Variants in EEF1E1 observed in about 807,000 individuals in gnomAD.
EEF1E1 encodes eukaryotic translation elongation factor 1 epsilon-1.
In EEF1E1, 19 loss-of-function variants were observed where a neutral mutation model predicts 19.9. The observed-to-expected ratio is 0.95, with a 90% confidence interval of 0.66 to 1.40. The LOEUF (loss-of-function observed/expected upper bound fraction) is 1.40, where lower values mean the gene tolerates loss of function less well. EEF1E1 is among the 40% of genes most tolerant of loss of function. The probability of loss-of-function intolerance (pLI) is 0.00; values close to 1 mark genes in which losing one functional copy is unlikely to be tolerated. For missense variants in EEF1E1, 198 were observed against 202.2 expected, an observed-to-expected ratio of 0.98 and a Z score of 0.13; for synonymous variants, 81 against 80.0, an observed-to-expected ratio of 1.01 and a Z score of -0.07.
At chr6:8,073,581 G>A (rs1166417727) in intron 3 of EEF1E1, 5 of 1,530,108 alleles carry the variant, frequency 3.3e-6, no homozygotes, top group African/African-American at 2.8e-5. Context: ...CACACTAAAT[G>A]CTCAATAAAT....
At position 8,083,318 on chromosome 6, in the gene EEF1E1, A is replaced by T. The variant is rs573901304; in HGVS notation, c.385-3288T>A. Reference sequence around the variant, plus strand: ...GTGCTCCTGGACTATTTTGCAGTTAATTCTTTTATTTTTCCTTTCCTTATA... The same window carrying T: ...GTGCTCCTGGACTATTTTGCAGTTATTTCTTTTATTTTTCCTTTCCTTATA... On this transcript the variant is annotated intron_variant, in intron 3 of 3. Coordinates refer to ENST00000379715, the MANE Select transcript of EEF1E1 (RefSeq NM_004280.5). 1.8e-3 allele frequency among the ~76,000 whole-genome samples: 272 copies of T among 152,268 alleles called. 3 individuals are homozygous for T. Among genetic ancestry groups the T allele is most frequent in the African/African-American group, 6.3e-3 (261 of 41,556 alleles).
chr6:8,099,783 CACACACACAAAA>C, intron 1 of EEF1E1, among the ~76,000 whole-genome samples: 1 of 98,280 alleles, frequency 1.0e-5, no homozygotes, highest in South Asian at 3.2e-4. Context: ...CACACACACA[CACACACACAAAA>C]AAAAAACAGA....
chr6:8,078,756 G>A, downstream of EEF1E1: 1 of 1,282,094 alleles, frequency 7.8e-7, no homozygotes, highest in Non-Finnish European at 1.0e-6. Flanking sequence ...GAAGAGAAAG[G>A]AAACTAACCT....
downstream of EEF1E1, among the ~76,000 whole-genome samples, chr6:8,076,661 G>A (rs1757598996): frequency 6.6e-6 from 1 of 152,186 alleles, no homozygotes; most frequent in South Asian, 2.1e-4. Flanking sequence ...CTTGAAAGTT[G>A]AAATTATTCC....
chr6:8,074,551 CA>C (rs775538907), downstream of EEF1E1, among the ~76,000 whole-genome samples: 5 of 152,120 alleles, frequency 3.3e-5, no homozygotes, highest in Non-Finnish European at 7.3e-5. Flanking sequence ...AATCAGGGGC[CA>C]GGGGTGGGAC....
chr6:8,099,778 ACACACAC>A lies in EEF1E1; in HGVS notation c.88-2318_88-2312del, dbSNP rs1448759892. Among the ~76,000 whole-genome samples the A allele has an allele frequency of 4.5e-3, 577 of 127,268 alleles. 21 individuals are homozygous for A. Among genetic ancestry groups the A allele is most frequent in the African/African-American group, 0.017 (524 of 30,610 alleles). 83.5% of individuals were successfully genotyped at this position (127,268 alleles called of 152,430 possible). A position where few individuals can be genotyped will look rare whatever the true frequency, so the allele number is the denominator to read the frequency against. On this transcript the variant is annotated intron_variant, in intron 1 of 3. Transcript: ENST00000379715. ...CACACACACACACACACACACACAC[ACACACAC>A]ACACACAAAAAAAAAACAGAACCCT...
At chr6:8,087,917 G>A (rs1757907140) in intron 3 of EEF1E1, among the ~76,000 whole-genome samples, 1 of 152,170 alleles carries the variant, frequency 6.6e-6, no homozygotes, top group Non-Finnish European at 1.5e-5. Context: ...GGGAAGATGG[G>A]TGTTGGGGTG....
At chr6:8,082,055 C>T (rs568383252) in intron 3 of EEF1E1, among the ~76,000 whole-genome samples, 55 of 152,248 alleles carry the variant, frequency 3.6e-4, no homozygotes, top group Non-Finnish European at 4.7e-4. Context: ...TATTTCAGAA[C>T]AGCATTTGGT....
At chr6:8,095,117 A>T (rs1758129275) in intron 2 of EEF1E1, among the ~76,000 whole-genome samples, 1 of 152,154 alleles carries the variant, frequency 6.6e-6, no homozygotes, top group Non-Finnish European at 1.5e-5. Context: ...ACTATATATG[A>T]TGCAACGCTA....
At position 8,097,425 on chromosome 6, in the gene EEF1E1, A is replaced by G. The variant is rs763140606; in HGVS notation, c.130T>C (p.Leu44=). The part of the protein sequence containing the change: ...QTNNGPSLTG[L]TTIAAHLVKQ... Reference sequence around the variant, plus strand: ...ACTAGATGAGCTGCTATAGTAGTCAATCCTGTTAGACTTGGACCATTGTTT... The same window carrying G: ...ACTAGATGAGCTGCTATAGTAGTCAGTCCTGTTAGACTTGGACCATTGTTT... The change falls in exon 2 of 4, where the codon TTG becomes CTG. Residue 44 remains leucine (L), a synonymous_variant. Coordinates refer to ENST00000379715, the MANE Select transcript of EEF1E1 (RefSeq NM_004280.5). 98 of 1,614,034 alleles carry G rather than the reference A, an allele frequency of 6.1e-5. No homozygotes were observed. The highest frequency in any genetic ancestry group is 1.6e-4 in the Middle Eastern group (1 of 6,084).
intron 2 of EEF1E1, among the ~76,000 whole-genome samples, chr6:8,091,943 CA>C (rs893661143): frequency 6.6e-6 from 1 of 152,154 alleles, no homozygotes; most frequent in African/African-American, 2.4e-5. Flanking sequence ...GGCATGTAAA[CA>C]AAAGAGATTT....
chr6:8,087,432 G>A (rs1320332299), intron 3 of EEF1E1, among the ~76,000 whole-genome samples: 2 of 152,192 alleles, frequency 1.3e-5, no homozygotes, highest in Admixed American at 6.5e-5. Context: ...TGGCCAGGCT[G>A]GTCTCGAACT....
downstream of EEF1E1, among the ~76,000 whole-genome samples, chr6:8,076,929 T>TTG (rs1554142093): frequency 2.8e-5 from 4 of 143,316 alleles, no homozygotes; most frequent in South Asian, 2.2e-4. Context: ...TAGCATGATT[T>TTG]TTTTTGTTTT....
rs1321127058 is a variant in EEF1E1 at position 8,079,710 on chromosome 6, T to C, written c.*180A>G. The stretch of plus-strand genomic sequence containing the variant: ...TAGCAATTGAATTTTGACATAAAAA[T>C]TGCAAAACTTCAGCTAAAGAACAAA... On this transcript the variant is annotated 3_prime_UTR_variant, in exon 4 of 4. Coordinates refer to ENST00000379715, the MANE Select transcript of EEF1E1 (RefSeq NM_004280.5). 2.4e-6 allele frequency: 3 copies of C among 1,274,244 alleles called. No homozygotes were observed. Among genetic ancestry groups the C allele is most frequent in the Non-Finnish European group, 3.0e-6 (3 of 1,007,636 alleles). 78.9% of individuals were successfully genotyped at this position (1,274,244 alleles called of 1,614,324 possible). A position where few individuals can be genotyped will look rare whatever the true frequency, so the allele number is the denominator to read the frequency against.
At chr6:8,075,817 T>C (rs1020878441), downstream of EEF1E1, among the ~76,000 whole-genome samples, 1 of 152,350 alleles carries the variant, frequency 6.6e-6, no homozygotes, top group Middle Eastern at 3.4e-3. Flanking sequence ...AGAACTTCTT[T>C]CAAAATTGAA....
At chr6:8,078,563 G>T, downstream of EEF1E1, 1 of 908,650 alleles carries the variant, frequency 1.1e-6, no homozygotes, top group Non-Finnish European at 1.4e-6. Context: ...CAATAGTCTC[G>T]CTCGAAGCAG....
chr6:8,099,791 C>CACACACACACAAAAA (rs768224090), intron 1 of EEF1E1, among the ~76,000 whole-genome samples: 1 of 114,626 alleles, frequency 8.7e-6, no homozygotes, highest in African/African-American at 3.3e-5. Flanking sequence ...CACACACACA[C>CACACACACACAAAAA]AAAAAAAAAA....
rs1561646252 is a variant in EEF1E1 at position 8,099,774 on chromosome 6, ACACACACACACAC to A, written c.88-2320_88-2308del. On this transcript the variant is annotated intron_variant, in intron 1 of 3. Coordinates refer to ENST00000379715, the MANE Select transcript of EEF1E1 (RefSeq NM_004280.5). ...AAAACACACACACACACACACACACACACACACACACACACACAAAAAAAAAACAGAACCCTCT... is the reference window on the plus strand; with the variant it reads ...AAAACACACACACACACACACACACAACACAAAAAAAAAACAGAACCCTCT... Among the ~76,000 whole-genome samples, 32 of 123,448 alleles carry A rather than the reference ACACACACACACAC, an allele frequency of 2.6e-4. 2 individuals carry two copies. The highest frequency in any genetic ancestry group is 9.1e-4 in the African/African-American group (27 of 29,618). The allele number at this position is 123,448 out of a possible 152,430, so 81.0% of individuals were successfully genotyped here.
At chr6:8,085,161 T>C (rs1757818798) in intron 3 of EEF1E1, among the ~76,000 whole-genome samples, 1 of 152,200 alleles carries the variant, frequency 6.6e-6, no homozygotes, top group Non-Finnish European at 1.5e-5. Context: ...TTTATTTATT[T>C]TTTTAAGACA....
Sources: allele counts gnomAD v4.1 joint callset (sites outside exome capture counted in the v4.1 genomes callset), GRCh38; gene constraint gnomAD v4.1.1; transcripts MANE v1.5; gene names NCBI Gene and HGNC (gene_info 2026-07-23, HGNC 2026-07-21).